Variants in EHD1 observed in about 807,000 individuals in gnomAD.
EHD1 encodes EH domain containing 1.
Under a neutral mutation model 39.0 loss-of-function variants are expected in EHD1, and 19 were observed. The observed-to-expected ratio is 0.49, with a 90% CI of 0.34 to 0.72. The LOEUF (loss-of-function observed/expected upper bound fraction) is 0.72, where lower values mean the gene tolerates loss of function less well. Ranked by LOEUF, EHD1 falls within the 30% of genes least tolerant of loss-of-function variation. The probability of loss-of-function intolerance (pLI) is 0.01; values close to 1 mark genes in which losing one functional copy is unlikely to be tolerated. For synonymous variants in EHD1, 323 were observed against 331.2 expected (o/e 0.98, Z 0.27); for missense variants, 542 against 751.5 (o/e 0.72, Z 3.26).
chr11:64,857,481 T>G (rs7926812), intron 3 of EHD1, among the ~76,000 whole-genome samples: 24,245 of 152,132 alleles, frequency 0.16, 2,466 homozygotes, highest in East Asian at 0.47. Flanking sequence ...CGCAGCCCTC[T>G]GTCCTCCAGA....
At chr11:64,869,474 G>A (rs1250774050) in intron 2 of EHD1, among the ~76,000 whole-genome samples, 1 of 152,244 alleles carries the variant, frequency 6.6e-6, no homozygotes, top group African/African-American at 2.4e-5. Context: ...ATCACCGTCT[G>A]GAAAGCCCTG....
At chr11:64,872,763 A>C (rs1200090688) in intron 2 of EHD1, among the ~76,000 whole-genome samples, 1 of 152,228 alleles carries the variant, frequency 6.6e-6, no homozygotes, top group Admixed American at 6.5e-5. Context: ...AAGGCCCGCA[A>C]GGCTGGAAGG....
At chr11:64,861,602 G>A (rs1337146913) in intron 2 of EHD1, among the ~76,000 whole-genome samples, 1 of 147,764 alleles carries the variant, frequency 6.8e-6, no homozygotes, top group Non-Finnish European at 1.5e-5. Context: ...GATCAAACCT[G>A]GCCCACCACC....
intron 2 of EHD1, among the ~76,000 whole-genome samples, chr11:64,867,797 A>G (rs1943784169): frequency 6.6e-6 from 1 of 152,270 alleles, no homozygotes; most frequent in South Asian, 2.1e-4. Context: ...CAATTTTTAA[A>G]AAGTGAAAAC....
chr11:64,862,249 C>A (rs1484797380), intron 2 of EHD1, among the ~76,000 whole-genome samples: 2 of 152,178 alleles, frequency 1.3e-5, no homozygotes, highest in Admixed American at 6.5e-5. Context: ...CCCATTATGA[C>A]CCAATTAAGG....
At position 64,855,451 on chromosome 11, in the gene EHD1, C is replaced by T; in HGVS notation, c.951G>A (p.Glu317=). Residue 317 remains glutamate, a synonymous_variant, in exon 4 of 5, where the codon GAG becomes GAA. Transcript: ENST00000320631. The stretch of plus-strand genomic sequence containing the variant: ...TCTCTTTACCAAAGACATTGGGCAT[C>T]TCTTTCTTGAGGGAGCTGATGATGT... ...HAYIISSLKK[E]MPNVFGKESK... The T allele has an allele frequency of 1.9e-6, 3 of 1,614,058 alleles. No homozygotes were observed. Among genetic ancestry groups the T allele is most frequent in the South Asian group, 1.1e-5 (1 of 91,082 alleles).
At chr11:64,855,684 G>T in intron 3 of EHD1, 198 bp from the exon 4 acceptor site, 1 of 678,340 alleles carries the variant, frequency 1.5e-6, no homozygotes, top group Non-Finnish European at 2.4e-6. Context: ...AAGAGCCACA[G>T]CTGTCCACTG....
At chr11:64,878,763 T>TC (rs1943921170), upstream of EHD1, 3 of 1,279,530 alleles carry the variant, frequency 2.3e-6, no homozygotes, top group Admixed American at 7.9e-5. Context: ...TGCCACGTCT[T>TC]CCCCTACCCC....
Position 64,868,507 on chromosome 11 carries a change from C to T in EHD1, c.502+5914G>A, listed in dbSNP as rs1168720257. ...AGGACCCCCAACAAAGAGGAGCGGG[C>T]CACAGGGGCTCTCAAACACACAGAT... On this transcript the variant is annotated intron_variant, in intron 2 of 4. Transcript: ENST00000320631. The surrounding 1 kb of genome is among the most constrained non-coding windows in gnomAD (Gnocchi z 4.2). 1.3e-5 allele frequency among the ~76,000 whole-genome samples: 2 copies of T among 152,204 alleles called. No homozygotes were observed. Among genetic ancestry groups the T allele is most frequent in the African/African-American group, 4.8e-5 (2 of 41,444 alleles).
In EHD1 at chr11:64,852,388, G is replaced by GC. The variant is rs11403189; in HGVS notation, c.*1944dup. 151,609 of 152,338 alleles carry GC rather than the reference G, an allele frequency of 1. 75,447 individuals are homozygous for GC. The highest frequency in any genetic ancestry group is 1 in the Middle Eastern group (294 of 294). The allele number at this position is 152,338 out of a possible 1,614,324, so 9.4% of individuals were successfully genotyped here. A position where few individuals can be genotyped will look rare whatever the true frequency, so the allele number is the denominator to read the frequency against. On this transcript the variant is annotated 3_prime_UTR_variant, in exon 5 of 5. Transcript: ENST00000320631. ...TACTTGATGCCACCCAGTGCCGAGG[G>GC]CCTGCAGGTGCCCACTCATCCGTCT...
At chr11:64,860,461 G>GT (rs890462247) in intron 2 of EHD1, 125 bp from the exon 3 acceptor site, 1 of 1,340,734 alleles carries the variant, frequency 7.5e-7, no homozygotes, top group African/African-American at 1.5e-5. Context: ...TAGGCCGGGC[G>GT]TGGTGGCTCA....
At chr11:64,862,285 G>A (rs964911068) in intron 2 of EHD1, among the ~76,000 whole-genome samples, 8 of 152,140 alleles carry the variant, frequency 5.3e-5, no homozygotes, top group Non-Finnish European at 1.0e-4. Context: ...GAATTCTGTC[G>A]CCTGTGGCAG....
At chr11:64,871,706 A>C (rs928662069) in intron 2 of EHD1, among the ~76,000 whole-genome samples, 9 of 152,200 alleles carry the variant, frequency 5.9e-5, no homozygotes, top group Non-Finnish European at 7.3e-5. Flanking sequence ...TAATGGGTAG[A>C]GATGACCTTC....
intron 2 of EHD1, among the ~76,000 whole-genome samples, chr11:64,872,509 A>C (rs1469061429): frequency 7.2e-5 from 11 of 152,226 alleles, no homozygotes; most frequent in Admixed American, 7.2e-4. Flanking sequence ...TTGCTTTGGC[A>C]AATGACAGGG....
chr11:64,869,668 C>T (rs1285331642), intron 2 of EHD1, among the ~76,000 whole-genome samples: 1 of 152,210 alleles, frequency 6.6e-6, no homozygotes, highest in Non-Finnish European at 1.5e-5. Flanking sequence ...CCACCCAGCT[C>T]CCCAAGTACT....
upstream of EHD1, chr11:64,878,947 GC>G (rs150827753): frequency 1.1e-3 from 1,116 of 1,009,484 alleles, 12 homozygotes; most frequent in African/African-American, 0.018. Context: ...CGGCACCGTG[GC>G]CCCCCCACAC....
Position 64,852,333 on chromosome 11 carries a change from G to A in EHD1, c.*2000C>T, listed in dbSNP as rs756067805. 10 of 152,038 alleles carry A rather than the reference G, an allele frequency of 6.6e-5. No individual in the cohort carries two copies. Among genetic ancestry groups the A allele is most frequent in the Admixed American group, 3.9e-4 (6 of 15,250 alleles). The allele number at this position is 152,038 out of a possible 1,614,324, so 9.4% of individuals were successfully genotyped here. On this transcript the variant is annotated 3_prime_UTR_variant, in exon 5 of 5. Transcript: ENST00000320631. ...CGTCCTTGGGGCTAGCAAGGAGCCAGTCTGGCTCCAAAGCCCAGAAACCCT... is the reference window on the plus strand; with the variant it reads ...CGTCCTTGGGGCTAGCAAGGAGCCAATCTGGCTCCAAAGCCCAGAAACCCT...
At position 64,854,303 on chromosome 11, in the gene EHD1, T is replaced by A. The variant is rs1486129732; in HGVS notation, c.*30A>T. 1.3e-6 allele frequency: 2 copies of A among 1,571,668 alleles called. No homozygotes were observed. The highest frequency in any genetic ancestry group is 3.5e-5 in the Admixed American group (2 of 57,854). On this transcript the variant is annotated 3_prime_UTR_variant, in exon 5 of 5. Coordinates refer to ENST00000320631, the MANE Select transcript of EHD1 (RefSeq NM_006795.4). Reference sequence around the variant, plus strand: ...CCCGTCTCTGCCTCCCGGCCGGGCGTGCAAATGGCAGGTGCGGGGCCGGGC... The same window carrying A: ...CCCGTCTCTGCCTCCCGGCCGGGCGAGCAAATGGCAGGTGCGGGGCCGGGC...
chr11:64,851,982 G>A lies in EHD1; in HGVS notation c.*2351C>T, dbSNP rs559997600. ...GCCGGCCAGCCCTGCAGCAACTGAA[G>A]CATCCACTGGCACCTCAAGTGCTGG... On this transcript the variant is annotated 3_prime_UTR_variant, in exon 5 of 5. Coordinates refer to ENST00000320631, the MANE Select transcript of EHD1 (RefSeq NM_006795.4). The A allele has an allele frequency of 6.6e-6, 1 of 152,314 alleles. No homozygotes were observed. The highest frequency in any genetic ancestry group is 2.4e-5 in the African/African-American group (1 of 41,560). 9.4% of individuals were successfully genotyped at this position (152,314 alleles called of 1,614,324 possible). A position where few individuals can be genotyped will look rare whatever the true frequency, so the allele number is the denominator to read the frequency against.
Sources: allele counts gnomAD v4.1 joint callset (sites outside exome capture counted in the v4.1 genomes callset), GRCh38; gene constraint gnomAD v4.1.1; non-coding constraint Gnocchi (gnomAD v3.1); transcripts MANE v1.5; gene names NCBI Gene and HGNC (gene_info 2026-07-23, HGNC 2026-07-21).